HAGH: variants seen among roughly 807,000 people sequenced by gnomAD.
HAGH encodes the protein hydroxyacylglutathione hydrolase, mitochondrial.
HAGH carries 29 observed loss-of-function variants against 35.1 expected under a neutral mutation model. The ratio of observed to expected loss-of-function variants is 0.83; its 90% confidence interval spans 0.62 to 1.13. The LOEUF is 1.13. Among genes scored for constraint, HAGH ranks in the 50% most tolerant of loss-of-function variants. The probability of loss-of-function intolerance (pLI) is 0.00; values close to 1 mark genes in which losing one functional copy is unlikely to be tolerated. For synonymous variants in HAGH, 225 were observed against 176.1 expected (o/e 1.28, Z -2.20); for missense variants, 478 against 419.6 (o/e 1.14, Z -1.22).
rs12596618 is a variant in HAGH at position 1,814,954 on chromosome 16, C to T, written c.747+1939G>A. Among the ~76,000 whole-genome samples the T allele has an allele frequency of 7.2e-5, 9 of 124,366 alleles. No homozygotes were observed. In the East Asian group the frequency reaches 2.0e-3, roughly 28 times the overall value. The allele number at this position is 124,366 out of a possible 152,430, so 81.6% of individuals were successfully genotyped here. ...ATACACACACACACACACACACACA[C>T]ACATATATATATATATCTCACAAAG... On this transcript the variant is annotated intron_variant, in intron 7 of 8. Transcript: ENST00000397356.
intron 2 of HAGH, among the ~76,000 whole-genome samples, chr16:1,822,660 G>A (rs1326264002): frequency 6.6e-6 from 1 of 152,230 alleles, no homozygotes; most frequent in Non-Finnish European, 1.5e-5. Context: ...AGACTCAAGT[G>A]CCCAGGATTG....
At position 1,809,292 on chromosome 16, in the gene HAGH, G is replaced by C. The variant is rs781650619; in HGVS notation, c.918C>G (p.Pro306=). Reference sequence around the variant, plus strand: ...AAGGTGCAGGGCGGCCTCAGTCCCGGGGCATCTTGAACTGGTCCTTCTCCC... The same window carrying C: ...AAGGTGCAGGGCGGCCTCAGTCCCGCGGCATCTTGAACTGGTCCTTCTCCC... The part of the protein sequence containing the change: ...VRREKDQFKM[P]RD Residue 306 remains proline (P), a synonymous_variant, in exon 9 of 9, where the codon CCC becomes CCG. Coordinates refer to ENST00000397356, the MANE Select transcript of HAGH (RefSeq NM_005326.6). 1.2e-6 allele frequency: 2 copies of C among 1,608,472 alleles called. No individual in the cohort carries two copies. Among genetic ancestry groups the C allele is most frequent in the South Asian group, 2.2e-5 (2 of 90,756 alleles).
chr16:1,826,577 G>C (rs889293587), intron 1 of HAGH, 135 bp downstream of exon 1: 21 of 982,486 alleles, frequency 2.1e-5, no homozygotes, highest in African/African-American at 1.4e-4. Flanking sequence ...GCCTCCGCTC[G>C]AGCCCGGCAG....
intron 5 of HAGH, 122 bp downstream of exon 5, chr16:1,818,993 C>T (rs1320519164): frequency 1.5e-6 from 1 of 664,448 alleles, no homozygotes; most frequent in South Asian, 1.7e-5. Context: ...CAGCACCCAC[C>T]CCTGGGCCCC....
At chr16:1,814,322 A>G (rs1897790767) in intron 7 of HAGH, among the ~76,000 whole-genome samples, 1 of 151,962 alleles carries the variant, frequency 6.6e-6, no homozygotes, top group Admixed American at 6.6e-5. Flanking sequence ...TAAAAATACA[A>G]AATTAACCGG....
chr16:1,822,098 C>T, intron 3 of HAGH: 1 of 584,940 alleles, frequency 1.7e-6, no homozygotes, highest in Non-Finnish European at 3.1e-6. Context: ...CTCCCCTCAC[C>T]CTCGGGGCCT....
chr16:1,814,937 ACAC>A (rs1897825881), intron 7 of HAGH, among the ~76,000 whole-genome samples: 3 of 141,482 alleles, frequency 2.1e-5, no homozygotes, highest in Non-Finnish European at 3.1e-5. Flanking sequence ...ATATACACAC[ACAC>A]ACACACACAC....
chr16:1,820,510 G>T (rs1898108433), intron 3 of HAGH, among the ~76,000 whole-genome samples: 1 of 152,172 alleles, frequency 6.6e-6, no homozygotes, highest in African/African-American at 2.4e-5. Context: ...AATCACCTGG[G>T]TGCGTCTGGG....
At chr16:1,812,105 G>A (rs539514615) in intron 7 of HAGH, among the ~76,000 whole-genome samples, 3 of 149,802 alleles carry the variant, frequency 2.0e-5, no homozygotes, top group East Asian at 4.0e-4. Flanking sequence ...CAGCAGAATC[G>A]CCTGAACCCA....
intron 7 of HAGH, 193 bp from the exon 8 acceptor site, chr16:1,810,026 A>G: frequency 1.7e-6 from 1 of 583,668 alleles, no homozygotes; most frequent in East Asian, 2.9e-5. Flanking sequence ...CTAGCCAGGC[A>G]TGGTGGCAGG....
chr16:1,818,697 T>A (rs1461206291), intron 5 of HAGH: 1 of 166,532 alleles, frequency 6.0e-6, no homozygotes, highest in South Asian at 1.5e-4. Flanking sequence ...CCATATGACC[T>A]CCACAGGTGG....
intron 1 of HAGH, among the ~76,000 whole-genome samples, chr16:1,826,347 C>T (rs1898418112): frequency 6.7e-6 from 1 of 150,246 alleles, no homozygotes; most frequent in Admixed American, 6.6e-5. Flanking sequence ...GCGGGGTGGG[C>T]CAGGCGTCCC....
At chr16:1,822,025 C>A (rs1464309070) in intron 3 of HAGH, 5 of 403,864 alleles carry the variant, frequency 1.2e-5, no homozygotes, top group Non-Finnish European at 2.2e-5. Flanking sequence ...CGTGCCAGGG[C>A]ACAAACCCGC....
intron 7 of HAGH, among the ~76,000 whole-genome samples, chr16:1,816,269 G>A (rs115157766): frequency 0.092 from 13,840 of 150,876 alleles, 786 homozygotes; most frequent in African/African-American, 0.16. Flanking sequence ...GTTGGAATTT[G>A]CATGAGTAAA....
At chr16:1,824,790 C>T (rs1022612456) in intron 1 of HAGH, among the ~76,000 whole-genome samples, 3 of 152,178 alleles carry the variant, frequency 2.0e-5, no homozygotes, top group African/African-American at 7.2e-5. Context: ...ACCAGCTGGG[C>T]ATTTTCCAGA....
intron 5 of HAGH, chr16:1,818,852 TG>T: frequency 2.1e-6 from 1 of 478,492 alleles, no homozygotes; most frequent in Non-Finnish European, 3.8e-6. Flanking sequence ...TCCTTTCCCG[TG>T]GGACCCGCCC....
At chr16:1,823,744 TAAAAAAAA>T (rs71145496) in intron 1 of HAGH, among the ~76,000 whole-genome samples, 3,074 of 56,008 alleles carry the variant, frequency 0.055, 217 homozygotes, top group African/African-American at 0.21. Context: ...ACCTGTTCCT[TAAAAAAAA>T]AAAAAAAAAA....
chr16:1,816,866 G>A lies in HAGH; in HGVS notation c.747+27C>T. 3 of 1,430,692 alleles carry A rather than the reference G, an allele frequency of 2.1e-6. No individual in the cohort carries two copies. In the Admixed American group the frequency reaches 5.0e-5, roughly 24 times the overall value. 88.6% of individuals were successfully genotyped at this position (1,430,692 alleles called of 1,614,324 possible). On this transcript the variant is annotated intron_variant, in intron 7 of 8. Transcript: ENST00000397356. ...GCGGCCCTGAGCAGCCCACAGGAAG[G>A]CACTGCGCAGTGACGGCCCCACTCA... is the stretch of plus-strand genomic sequence containing the variant.
chr16:1,815,177 A>G (rs1897838025), intron 7 of HAGH, among the ~76,000 whole-genome samples: 1 of 152,162 alleles, frequency 6.6e-6, no homozygotes, highest in African/African-American at 2.4e-5. Flanking sequence ...TAGAATGGCA[A>G]AAATTGGAGA....
Sources: gnomAD v4.1 joint callset for allele counts (sites outside exome capture counted in the v4.1 genomes callset) on GRCh38, gnomAD v4.1.1 for gene constraint, MANE v1.5 for transcripts, NCBI Gene and HGNC (gene_info 2026-07-23, HGNC 2026-07-21) for gene names.